C2orf49: variants seen among roughly 807,000 people sequenced by gnomAD.
C2orf49 encodes tRNA-splicing ligase complex subunit ASW.
C2orf49 carries 11 observed loss-of-function variants against 20.6 expected under a neutral mutation model. The ratio of observed to expected loss-of-function variants is 0.53; its 90% confidence interval spans 0.34 to 0.88. The LOEUF (loss-of-function observed/expected upper bound fraction) is 0.88, where lower values mean the gene tolerates loss of function less well. C2orf49 is among the 40% of genes least tolerant of loss of function. The pLI is 0.02. For missense variants in C2orf49, 289 were observed against 274.2 expected, an observed-to-expected ratio of 1.05 and a Z score of -0.38; for synonymous variants, 134 against 108.5, an observed-to-expected ratio of 1.24 and a Z score of -1.46.
At chr2:105,378,557 C>T in the C2orf49 span, 1 of 161,034 alleles carries the variant, frequency 6.2e-6, no homozygotes, top group Non-Finnish European at 1.4e-5. Context: ...CAGGTTTTGT[C>T]CTAAGAAACA....
intron 1 of C2orf49, among the ~76,000 whole-genome samples, chr2:105,337,979 C>T (rs898031643): frequency 6.6e-6 from 1 of 152,148 alleles, no homozygotes; most frequent in Middle Eastern, 3.2e-3. Flanking sequence ...TGTGTAAGCC[C>T]CGACCTGAGG....
At chr2:105,352,429 GTTTTTTT>G (rs61585149), downstream of C2orf49, among the ~76,000 whole-genome samples, 1 of 80,758 alleles carries the variant, frequency 1.2e-5, no homozygotes, top group Non-Finnish European at 2.1e-5. Flanking sequence ...GTTTGTTTGG[GTTTTTTT>G]TTTTTTTTTT....
chr2:105,341,292 G>C (rs138226680), intron 2 of C2orf49, among the ~76,000 whole-genome samples: 17 of 152,262 alleles, frequency 1.1e-4, no homozygotes, highest in Admixed American at 6.5e-4. Context: ...CAACTGTCTT[G>C]ATTAGTCCCC....
At chr2:105,340,600 C>T (rs1168357572) in intron 2 of C2orf49, among the ~76,000 whole-genome samples, 1 of 152,010 alleles carries the variant, frequency 6.6e-6, no homozygotes, top group East Asian at 1.9e-4. Flanking sequence ...AAATGAAGGG[C>T]CTGTTAACTA....
At chr2:105,374,960 G>A in the C2orf49 span, among the ~76,000 whole-genome samples, 1 of 152,180 alleles carries the variant, frequency 6.6e-6, no homozygotes, top group Admixed American at 6.5e-5. Flanking sequence ...TTCACGCGAT[G>A]GCCCTGAAGA....
chr2:105,379,034 G>T, the C2orf49 span, among the ~76,000 whole-genome samples: 1 of 152,130 alleles, frequency 6.6e-6, no homozygotes, highest in Non-Finnish European at 1.5e-5. Context: ...GCCCCTCTGG[G>T]ATCCCAGGAG....
downstream of C2orf49, among the ~76,000 whole-genome samples, chr2:105,351,315 C>A (rs1334315526): frequency 1.5e-4 from 11 of 74,526 alleles, 1 homozygote; most frequent in African/African-American, 5.7e-4. Flanking sequence ...CCCACCGCGC[C>A]CCCCCCCCCC....
the C2orf49 span, chr2:105,376,014 T>C: frequency 1.3e-5 from 2 of 152,238 alleles, no homozygotes; most frequent in Non-Finnish European, 2.9e-5. Flanking sequence ...ACAATCCACA[T>C]GGACATCATC....
At chr2:105,352,429 G>GTTTTTTTTTTTTTTTTTTTTTTTGTT (rs61585149), downstream of C2orf49, among the ~76,000 whole-genome samples, 41 of 80,764 alleles carry the variant, frequency 5.1e-4, 1 homozygote, top group Middle Eastern at 0.031. Context: ...GTTTGTTTGG[G>GTTTTTTTTTTTTTTTTTTTTTTTGTT]TTTTTTTTTT....
the C2orf49 span, among the ~76,000 whole-genome samples, chr2:105,367,108 A>C: frequency 6.6e-6 from 1 of 152,240 alleles, no homozygotes; most frequent in African/African-American, 2.4e-5. Context: ...TCTGTCCCAT[A>C]TCCATGGAGG....
At chr2:105,355,253 G>A in the C2orf49 span, among the ~76,000 whole-genome samples, 2 of 152,272 alleles carry the variant, frequency 1.3e-5, no homozygotes, top group South Asian at 4.1e-4. Context: ...ACAGTGGGGT[G>A]GAGGCAGGCA....
chr2:105,348,368 C>T lies in C2orf49; in HGVS notation c.*2997C>T, dbSNP rs1679864636. 1.3e-5 allele frequency: 2 copies of T among 152,140 alleles called. No homozygotes were observed. Among genetic ancestry groups the T allele is most frequent in the Admixed American group, 6.5e-5 (1 of 15,278 alleles). 9.4% of individuals were successfully genotyped at this position (152,140 alleles called of 1,614,324 possible). A position where few individuals can be genotyped will look rare whatever the true frequency, so the allele number is the denominator to read the frequency against. ...CTACTATGAGGCCATAATATATTTG[C>T]TGGTATTAAAATTCTTCAGAATTGG... On this transcript the variant is annotated 3_prime_UTR_variant, in exon 4 of 4. Transcript: ENST00000258457.
At chr2:105,376,778 G>A in the C2orf49 span, 1 of 152,246 alleles carries the variant, frequency 6.6e-6, no homozygotes, top group African/African-American at 2.4e-5. Context: ...TCTATCAATA[G>A]GTGAAGGGGT....
At position 105,346,386 on chromosome 2, in the gene C2orf49, T is replaced by C. The variant is rs1291264749; in HGVS notation, c.*1015T>C. The C allele has an allele frequency of 6.6e-6, 1 of 152,242 alleles. No homozygotes were observed. The highest frequency in any genetic ancestry group is 1.5e-5 in the Non-Finnish European group (1 of 68,046). 9.4% of individuals were successfully genotyped at this position (152,242 alleles called of 1,614,324 possible). A position where few individuals can be genotyped will look rare whatever the true frequency, so the allele number is the denominator to read the frequency against. On this transcript the variant is annotated 3_prime_UTR_variant, in exon 4 of 4. Transcript: ENST00000258457. ...TGTACCTGGCCCATCCTTTAGAATG[T>C]TCTTGTCATGTAGCAGTCCTACGTA...
chr2:105,368,506 T>C, the C2orf49 span, among the ~76,000 whole-genome samples: 2 of 152,214 alleles, frequency 1.3e-5, no homozygotes, highest in African/African-American at 4.8e-5. Context: ...AATCTTCATG[T>C]GTTACTTGTA....
At chr2:105,373,508 C>A in the C2orf49 span, 2 of 1,606,432 alleles carry the variant, frequency 1.2e-6, no homozygotes, top group South Asian at 2.2e-5. Context: ...GGAACGTGCA[C>A]AAGGCTTGAA....
the C2orf49 span, among the ~76,000 whole-genome samples, chr2:105,354,701 C>T: frequency 6.6e-6 from 1 of 151,990 alleles, no homozygotes; most frequent in South Asian, 2.1e-4. Context: ...TTTATAATAT[C>T]CTAAATATTA....
chr2:105,352,429 G>GTTTTTTTTTTTTT (rs61585149), downstream of C2orf49, among the ~76,000 whole-genome samples: 7 of 80,762 alleles, frequency 8.7e-5, no homozygotes, highest in African/African-American at 2.1e-4. Context: ...GTTTGTTTGG[G>GTTTTTTTTTTTTT]TTTTTTTTTT....
the C2orf49 span, among the ~76,000 whole-genome samples, chr2:105,368,128 C>A: frequency 5.9e-5 from 9 of 152,154 alleles, no homozygotes; most frequent in Admixed American, 5.9e-4. Flanking sequence ...ACTGTATTCA[C>A]CTATTGCACA....
Sources: gnomAD v4.1 joint callset for allele counts (sites outside exome capture counted in the v4.1 genomes callset) on GRCh38, gnomAD v4.1.1 for gene constraint, MANE v1.5 for transcripts, NCBI Gene and HGNC (gene_info 2026-07-23, HGNC 2026-07-21) for gene names.